Variants in BBX observed in about 807,000 individuals in gnomAD.
The protein encoded by BBX is HMG box transcription factor BBX.
BBX carries 30 observed loss-of-function variants against 100.2 expected under a neutral mutation model. The observed-to-expected ratio is 0.30, with a 90% CI of 0.22 to 0.41. The LOEUF (loss-of-function observed/expected upper bound fraction) is 0.41, where lower values mean the gene tolerates loss of function less well. Ranked by LOEUF, BBX falls within the 10% of genes least tolerant of loss-of-function variation. The pLI, the probability that BBX is intolerant of heterozygous loss-of-function variation, is 1.00. For synonymous variants in BBX, 376 were observed against 388.1 expected, an observed-to-expected ratio of 0.97 and a Z score of 0.37; for missense variants, 1,023 against 1,129.8, an observed-to-expected ratio of 0.91 and a Z score of 1.35.
chr3:107,787,211 G>A (rs540170884), intron 13 of BBX, among the ~76,000 whole-genome samples: 86 of 152,198 alleles, frequency 5.7e-4, no homozygotes, highest in Middle Eastern at 3.4e-3. Flanking sequence ...TGGCCAGGAT[G>A]GTCTTGATCT....
At chr3:107,610,001 T>G (rs2054725741) in intron 2 of BBX, among the ~76,000 whole-genome samples, 3 of 152,192 alleles carry the variant, frequency 2.0e-5, no homozygotes, top group African/African-American at 7.2e-5. Flanking sequence ...TAGGCACTTA[T>G]AGCTATAAAA....
At chr3:107,679,707 A>G (rs943779042) in intron 3 of BBX, among the ~76,000 whole-genome samples, 5 of 152,172 alleles carry the variant, frequency 3.3e-5, no homozygotes, top group African/African-American at 1.2e-4. Context: ...AGAACCAGAA[A>G]GGGATTAGTA....
At chr3:107,609,782 G>A (rs1294297240) in intron 2 of BBX, among the ~76,000 whole-genome samples, 2 of 151,370 alleles carry the variant, frequency 1.3e-5, no homozygotes, top group African/African-American at 4.8e-5. Context: ...TCTTAGCCTG[G>A]CTAAGGTTTG....
At chr3:107,532,391 G>A (rs1018698963) in intron 2 of BBX, among the ~76,000 whole-genome samples, 4 of 152,080 alleles carry the variant, frequency 2.6e-5, no homozygotes, top group Admixed American at 6.5e-5. Flanking sequence ...TGAAAACTTC[G>A]AATATACTTA....
At chr3:107,591,780 G>T (rs2053333684) in intron 2 of BBX, among the ~76,000 whole-genome samples, 1 of 152,156 alleles carries the variant, frequency 6.6e-6, no homozygotes, top group South Asian at 2.1e-4. Flanking sequence ...GAGCTGCCCG[G>T]CCAGTAAATG....
rs1303992980 is a variant in BBX, at chr3:107,789,870, GA to G, written c.2292del (p.Gly765GlufsTer201). The G allele has an allele frequency of 5.2e-6, 8 of 1,547,684 alleles. No homozygotes were observed. Among genetic ancestry groups the G allele is most frequent in the South Asian group, 3.6e-5 (3 of 83,748 alleles). ...KHKKEKPNVPEKGSGDKWSNK... is the reference protein window; with the variant it reads ...KHKKEKPNVPXKGSGDKWSNK... ...CAAAAAGGAGAAGCCCAATGTTCCG[GA>G]AAAAGGTATTGGTGCCCTCCATCCT... On this transcript the variant is annotated frameshift_variant, in exon 14 of 18. Transcript: ENST00000325805. LOFTEE classifies it high-confidence loss of function.
intron 3 of BBX, among the ~76,000 whole-genome samples, chr3:107,681,696 A>G (rs1054594807): frequency 6.6e-6 from 1 of 152,100 alleles, no homozygotes; most frequent in Non-Finnish European, 1.5e-5. Context: ...CGCCCTTTGG[A>G]CTCTGAAGAT....
At chr3:107,735,988 T>A (rs565416844) in intron 7 of BBX, among the ~76,000 whole-genome samples, 1 of 152,124 alleles carries the variant, frequency 6.6e-6, no homozygotes. Flanking sequence ...TTATTTTATT[T>A]GCACATAATC....
intron 2 of BBX, among the ~76,000 whole-genome samples, chr3:107,620,995 C>T (rs1469771158): frequency 6.6e-6 from 1 of 151,978 alleles, no homozygotes; most frequent in Non-Finnish European, 1.5e-5. Context: ...TCTCTACCAC[C>T]CCCTCAGTAT....
rs140570822 is a variant in BBX, at chr3:107,672,869, T to G, written c.-10+26960T>G. Among the ~76,000 whole-genome samples the G allele has an allele frequency of 1.3e-3, 205 of 152,190 alleles. 2 individuals are homozygous for G. The highest frequency in any genetic ancestry group is 1.7e-3 in the Admixed American group (26 of 15,278). On this transcript the variant is annotated intron_variant, in intron 3 of 17. Transcript: ENST00000325805. ...GTGTCACGATTTACTTTTTAAAAAA[T>G]TAAATAAACTTTTGTTGGCTTTAGA...
chr3:107,557,181 C>T (rs2050149332), intron 2 of BBX, among the ~76,000 whole-genome samples: 1 of 152,092 alleles, frequency 6.6e-6, no homozygotes, highest in South Asian at 2.1e-4. Context: ...AATTATTTTC[C>T]ATCAAGAAAA....
intron 2 of BBX, among the ~76,000 whole-genome samples, chr3:107,543,544 C>A (rs371279638): frequency 6.6e-6 from 1 of 152,276 alleles, no homozygotes; most frequent in East Asian, 1.9e-4. Flanking sequence ...TTTAGTGGCA[C>A]AACATGATTT....
At chr3:107,664,693 G>C (rs1473783952) in intron 3 of BBX, among the ~76,000 whole-genome samples, 1 of 152,170 alleles carries the variant, frequency 6.6e-6, no homozygotes, top group African/African-American at 2.4e-5. Context: ...AAGAATAAAT[G>C]TTCTCTTGCA....
intron 2 of BBX, among the ~76,000 whole-genome samples, chr3:107,594,529 G>A (rs2053550200): frequency 6.6e-6 from 1 of 152,156 alleles, no homozygotes; most frequent in Admixed American, 6.5e-5. Flanking sequence ...CATTTCCAGA[G>A]AGATCGCATT....
chr3:107,570,159 A>G (rs2051242187), intron 2 of BBX, among the ~76,000 whole-genome samples: 2 of 152,168 alleles, frequency 1.3e-5, no homozygotes, highest in Non-Finnish European at 2.9e-5. Context: ...TTCAGGCGTT[A>G]TGAAGTTCTT....
intron 5 of BBX, among the ~76,000 whole-genome samples, chr3:107,721,915 G>C (rs2062570219): frequency 6.6e-6 from 1 of 151,930 alleles, no homozygotes; most frequent in South Asian, 2.1e-4. Context: ...GTTGGTTTTA[G>C]GGTTATTTCT....
chr3:107,761,099 T>C (rs970550820), intron 10 of BBX, among the ~76,000 whole-genome samples: 2 of 152,168 alleles, frequency 1.3e-5, no homozygotes, highest in Admixed American at 1.3e-4. Context: ...ATTTCCCTCC[T>C]TTATACCTGA....
chr3:107,795,730 G>C (rs568232994), intron 15 of BBX, among the ~76,000 whole-genome samples: 6 of 146,798 alleles, frequency 4.1e-5, no homozygotes, highest in African/African-American at 1.5e-4. Flanking sequence ...GCCTGCTTTG[G>C]GCCCTCAGGC....
At chr3:107,592,014 T>A (rs979161016) in intron 2 of BBX, among the ~76,000 whole-genome samples, 2 of 152,190 alleles carry the variant, frequency 1.3e-5, no homozygotes, top group Non-Finnish European at 2.9e-5. Flanking sequence ...TTTTTGAATA[T>A]TTTTGGCATT....
Sources: allele counts gnomAD v4.1 joint callset (sites outside exome capture counted in the v4.1 genomes callset), GRCh38; gene constraint gnomAD v4.1.1; transcripts MANE v1.5; gene names NCBI Gene and HGNC (gene_info 2026-07-23, HGNC 2026-07-21).